Variants in LRMDA observed in about 807,000 individuals in gnomAD.
LRMDA encodes leucine rich melanocyte differentiation associated.
LRMDA carries 18 observed loss-of-function variants against 29.8 expected under a neutral mutation model. The observed-to-expected ratio is 0.60, with a 90% CI of 0.42 to 0.90. The LOEUF (loss-of-function observed/expected upper bound fraction) is 0.90. Among genes scored for constraint, LRMDA ranks in the 40% least tolerant of loss-of-function variants. The pLI, the probability that LRMDA is intolerant of heterozygous loss-of-function variation, is 0.00. For synonymous variants in LRMDA, 125 were observed against 109.4 expected (o/e 1.14, Z -0.89); for missense variants, 273 against 273.9 (o/e 1.00, Z 0.02).
chr10:75,792,109 C>A (rs951610860), intron 2 of LRMDA, among the ~76,000 whole-genome samples: 2 of 151,828 alleles, frequency 1.3e-5, no homozygotes, highest in East Asian at 3.9e-4. Context: ...TCCCCCGCCT[C>A]GGCCTCTCAA....
At chr10:75,469,195 A>G (rs1016596690) in intron 2 of LRMDA, among the ~76,000 whole-genome samples, 17 of 150,698 alleles carry the variant, frequency 1.1e-4, no homozygotes, top group African/African-American at 3.2e-4. Flanking sequence ...ATTTTAAAGG[A>G]AAAAAAAAGA....
intron 2 of LRMDA, among the ~76,000 whole-genome samples, chr10:75,627,146 G>A (rs1160682298): frequency 1.3e-5 from 2 of 152,248 alleles, no homozygotes; most frequent in Non-Finnish European, 2.9e-5. Context: ...ATCTAAAGTA[G>A]TGACCTATCA....
intron 6 of LRMDA, among the ~76,000 whole-genome samples, chr10:76,466,437 G>T (rs1327099805): frequency 6.6e-6 from 1 of 152,170 alleles, no homozygotes; most frequent in African/African-American, 2.4e-5. Flanking sequence ...AGTGTAATCT[G>T]CAGCCTACAG....
rs187550172 is a variant in LRMDA, at chr10:76,238,877, G to A, written c.517-85524G>A. Reference sequence around the variant, plus strand: ...GGCACCCTTACACACTTGGCAGGAAGGACATGGCTGAGGGTGCCACAGTCA... The same window carrying A: ...GGCACCCTTACACACTTGGCAGGAAAGACATGGCTGAGGGTGCCACAGTCA... On this transcript the variant is annotated intron_variant, in intron 5 of 6. Coordinates refer to ENST00000611255, the MANE Select transcript of LRMDA (RefSeq NM_001305581.2). Among the ~76,000 whole-genome samples, 213 of 152,042 alleles carry A rather than the reference G, an allele frequency of 1.4e-3. 1 individual carries two copies. The highest frequency in any genetic ancestry group is 1.5e-3 in the Non-Finnish European group (103 of 67,964).
intron 2 of LRMDA, among the ~76,000 whole-genome samples, chr10:75,468,607 C>T (rs971248064): frequency 2.6e-5 from 4 of 152,134 alleles, no homozygotes; most frequent in African/African-American, 9.7e-5. Context: ...TGATGCTAGT[C>T]ACTTTTTGGT....
chr10:75,900,920 T>C (rs892494427), intron 2 of LRMDA, among the ~76,000 whole-genome samples: 4 of 152,210 alleles, frequency 2.6e-5, no homozygotes, highest in African/African-American at 2.4e-5. Context: ...TGGATAATCA[T>C]ATTTGCAGAG....
chr10:75,439,622 C>G (rs2132022911), intron 2 of LRMDA, among the ~76,000 whole-genome samples: 1 of 152,224 alleles, frequency 6.6e-6, no homozygotes, highest in Admixed American at 6.5e-5. Context: ...TGTGTTGTTT[C>G]CAGGAAAGGG....
intron 2 of LRMDA, among the ~76,000 whole-genome samples, chr10:75,671,284 G>C (rs1186689196): frequency 6.6e-6 from 1 of 152,190 alleles, no homozygotes; most frequent in African/African-American, 2.4e-5. Context: ...TTGGCCCTTA[G>C]TTTTCAGGAC....
intron 6 of LRMDA, among the ~76,000 whole-genome samples, chr10:76,427,310 G>A (rs1842138829): frequency 6.6e-6 from 1 of 151,840 alleles, no homozygotes; most frequent in Non-Finnish European, 1.5e-5. Flanking sequence ...CCTTGAAGAG[G>A]TCCTTCACAT....
chr10:76,547,545 C>T (rs1389689514), intron 6 of LRMDA, among the ~76,000 whole-genome samples: 1 of 152,140 alleles, frequency 6.6e-6, no homozygotes, highest in East Asian at 1.9e-4. Context: ...TTCCTAACTT[C>T]ATGCTGCCCT....
At position 76,180,087 on chromosome 10, in the gene LRMDA, T is replaced by C. The variant is rs144380957; in HGVS notation, c.516+121304T>C. Among the ~76,000 whole-genome samples, 276 of 152,092 alleles carry C rather than the reference T, an allele frequency of 1.8e-3. 1 individual carries two copies. The Middle Eastern group carries it at 0.02, about 11-fold the overall frequency. On this transcript the variant is annotated intron_variant, in intron 5 of 6. Transcript: ENST00000611255. The stretch of plus-strand genomic sequence containing the variant: ...TGAAAGTAAGGGCTGCTGCTACTTA[T>C]AGGATGAAAGTGGAAATGCGTTAGT...
chr10:76,283,903 T>A (rs1041890091), intron 5 of LRMDA, among the ~76,000 whole-genome samples: 3 of 152,136 alleles, frequency 2.0e-5, no homozygotes, highest in African/African-American at 7.2e-5. Flanking sequence ...TTGGTTCAAG[T>A]GATCTGCCAG....
At chr10:75,839,534 T>C (rs1291359095) in intron 2 of LRMDA, among the ~76,000 whole-genome samples, 1 of 151,054 alleles carries the variant, frequency 6.6e-6, no homozygotes, top group Non-Finnish European at 1.5e-5. Flanking sequence ...AATACCACTT[T>C]TATTTTTCCT....
intron 2 of LRMDA, among the ~76,000 whole-genome samples, chr10:75,787,942 T>C (rs1843500593): frequency 6.6e-6 from 1 of 152,184 alleles, no homozygotes; most frequent in Admixed American, 6.5e-5. Context: ...GGCAGGAGAA[T>C]GGCGTGAACC....
intron 5 of LRMDA, among the ~76,000 whole-genome samples, chr10:76,096,500 C>A (rs1409058934): frequency 1.3e-5 from 2 of 152,064 alleles, no homozygotes; most frequent in Non-Finnish European, 2.9e-5. Flanking sequence ...ATCAGTATTA[C>A]ATTGTCTTAA....
At chr10:76,319,870 G>T (rs1000558145) in intron 5 of LRMDA, among the ~76,000 whole-genome samples, 1 of 152,162 alleles carries the variant, frequency 6.6e-6, no homozygotes, top group Admixed American at 6.5e-5. Flanking sequence ...TAGAGCTGTG[G>T]TCTTAGATGG....
chr10:75,766,300 CAG>C (rs1843167073), intron 2 of LRMDA, among the ~76,000 whole-genome samples: 1 of 152,196 alleles, frequency 6.6e-6, no homozygotes, highest in African/African-American at 2.4e-5. Flanking sequence ...TGTGGCTTTT[CAG>C]AGAGGAAGCA....
intron 2 of LRMDA, among the ~76,000 whole-genome samples, chr10:75,921,373 C>T (rs1846022980): frequency 6.6e-6 from 1 of 152,146 alleles, no homozygotes; most frequent in South Asian, 2.1e-4. Context: ...TCAGTAAGTG[C>T]AGAATGTCAG....
chr10:75,854,254 A>G (rs1444049546), intron 2 of LRMDA, among the ~76,000 whole-genome samples: 1 of 152,074 alleles, frequency 6.6e-6, no homozygotes, highest in Non-Finnish European at 1.5e-5. Context: ...TGTGTCATTT[A>G]TTGCTCAAGG....
Sources: gnomAD v4.1 joint callset for allele counts (sites outside exome capture counted in the v4.1 genomes callset) on GRCh38, gnomAD v4.1.1 for gene constraint, MANE v1.5 for transcripts, NCBI Gene and HGNC (gene_info 2026-07-23, HGNC 2026-07-21) for gene names.